LRRTM4: variants seen among roughly 807,000 people sequenced by gnomAD.
LRRTM4 encodes leucine-rich repeat transmembrane neuronal protein 4.
A neutral mutation model predicts 47.6 loss-of-function variants in LRRTM4; 25 were observed. That is an observed-to-expected ratio of 0.53 (90% CI 0.38 to 0.73). The LOEUF is 0.73. Among genes scored for constraint, LRRTM4 ranks in the 30% least tolerant of loss-of-function variants. The probability of loss-of-function intolerance (pLI) is 0.00; values close to 1 mark genes in which losing one functional copy is unlikely to be tolerated. For synonymous variants in LRRTM4, 311 were observed against 269.5 expected, an observed-to-expected ratio of 1.15 and a Z score of -1.51; for missense variants, 638 against 713.4, an observed-to-expected ratio of 0.89 and a Z score of 1.20.
intron 3 of LRRTM4, among the ~76,000 whole-genome samples, chr2:77,083,311 T>C (rs777190273): frequency 1.3e-5 from 2 of 152,170 alleles, no homozygotes; most frequent in Non-Finnish European, 2.9e-5. Context: ...AGCTCCATAG[T>C]AGGGGTCCTG....
At chr2:77,032,906 CCTATTA>C (rs1458755895) in intron 3 of LRRTM4, among the ~76,000 whole-genome samples, 1 of 151,988 alleles carries the variant, frequency 6.6e-6, no homozygotes, top group Non-Finnish European at 1.5e-5. Context: ...GTTCTAATTG[CCTATTA>C]CACCATACAA....
At chr2:77,302,691 C>T (rs1416697583) in intron 3 of LRRTM4, among the ~76,000 whole-genome samples, 1 of 152,194 alleles carries the variant, frequency 6.6e-6, no homozygotes, top group African/African-American at 2.4e-5. Context: ...GAAGAAGCTA[C>T]TTGATGTATC....
chr2:77,389,720 A>T (rs1050020188), intron 3 of LRRTM4, among the ~76,000 whole-genome samples: 1 of 152,066 alleles, frequency 6.6e-6, no homozygotes, highest in African/African-American at 2.4e-5. Flanking sequence ...ATGAGCTAAG[A>T]GATGCCTCCC....
rs183255377 is a variant in LRRTM4 at position 77,231,880 on chromosome 2, G to C, written c.1551+286438C>G. 7.0e-4 allele frequency among the ~76,000 whole-genome samples: 107 copies of C among 152,204 alleles called. 2 individuals carry two copies. Among genetic ancestry groups the C allele is most frequent in the African/African-American group, 2.3e-3 (94 of 41,546 alleles). On this transcript the variant is annotated intron_variant, in intron 3 of 3. Transcript: ENST00000409884. ...CAAGCTACTAATTTAGATCCACCCA[G>C]GATGAAAAACTGTTTTCTGATTTAT...
chr2:77,067,842 T>G (rs1282734488), intron 3 of LRRTM4, among the ~76,000 whole-genome samples: 1 of 151,788 alleles, frequency 6.6e-6, no homozygotes. Context: ...TAGTCAAAAT[T>G]AATGAAAAAA....
At chr2:77,084,553 G>A (rs943044798) in intron 3 of LRRTM4, among the ~76,000 whole-genome samples, 2 of 152,102 alleles carry the variant, frequency 1.3e-5, no homozygotes, top group African/African-American at 4.8e-5. Context: ...ACTAGTTTAT[G>A]CATGTTTTAA....
At chr2:76,795,520 C>T (rs1363287395) in intron 3 of LRRTM4, among the ~76,000 whole-genome samples, 1 of 151,892 alleles carries the variant, frequency 6.6e-6, no homozygotes, top group African/African-American at 2.4e-5. Flanking sequence ...AATATGAGAG[C>T]ACTACATATA....
chr2:77,482,199 AG>A (rs936584539), intron 3 of LRRTM4, among the ~76,000 whole-genome samples: 3 of 95,596 alleles, frequency 3.1e-5, no homozygotes, highest in Non-Finnish European at 8.0e-5. Flanking sequence ...ACTAATTTGA[AG>A]TTGCTGGTGC....
intron 3 of LRRTM4, among the ~76,000 whole-genome samples, chr2:77,143,702 A>C (rs1398792800): frequency 1.3e-5 from 2 of 152,218 alleles, no homozygotes; most frequent in East Asian, 3.9e-4. Context: ...CTAGATTGAG[A>C]GAAACACCAA....
intron 3 of LRRTM4, among the ~76,000 whole-genome samples, chr2:76,832,170 TTA>T (rs1473457104): frequency 2.0e-5 from 3 of 152,108 alleles, no homozygotes; most frequent in African/African-American, 7.2e-5. Context: ...GTATTTTATT[TTA>T]TCTTATTTGC....
In LRRTM4 at chr2:77,095,508, C is replaced by CTTT. The variant is rs373406392; in HGVS notation, c.1552-346595_1552-346593dup. 1.0e-4 allele frequency among the ~76,000 whole-genome samples: 15 copies of CTTT among 144,002 alleles called. 1 individual carries two copies. The highest frequency in any genetic ancestry group is 1.1e-4 in the Non-Finnish European group (7 of 64,832). 94.5% of individuals were successfully genotyped at this position (144,002 alleles called of 152,430 possible). A position where few individuals can be genotyped will look rare whatever the true frequency, so the allele number is the denominator to read the frequency against. ...CAAAATATGAAATACCATATGCAAACTTTTTTTTTTTTTTTTAGACAGAGT... is the reference window on the plus strand; with the variant it reads ...CAAAATATGAAATACCATATGCAAACTTTTTTTTTTTTTTTTTTTAGACAGAGT... On this transcript the variant is annotated intron_variant, in intron 3 of 3. Transcript: ENST00000409884.
intron 3 of LRRTM4, among the ~76,000 whole-genome samples, chr2:77,023,467 G>A (rs951250725): frequency 5.3e-5 from 8 of 152,284 alleles, no homozygotes; most frequent in Middle Eastern, 3.4e-3. Flanking sequence ...CACATTGTCA[G>A]GCTGCAAATT....
chr2:77,437,833 T>C (rs977474514), intron 3 of LRRTM4, among the ~76,000 whole-genome samples: 1 of 152,134 alleles, frequency 6.6e-6, no homozygotes, highest in African/African-American at 2.4e-5. Flanking sequence ...GTGTTTATAA[T>C]ACACAATTTT....
At chr2:76,758,534 A>C (rs1392006832) in intron 3 of LRRTM4, among the ~76,000 whole-genome samples, 1 of 152,158 alleles carries the variant, frequency 6.6e-6, no homozygotes, top group Non-Finnish European at 1.5e-5. Flanking sequence ...ATTTTTAATT[A>C]CAAAAAGGGG....
rs775583949 is a variant in LRRTM4, at chr2:77,495,415, G to A, written c.1551+22903C>T. On this transcript the variant is annotated intron_variant, in intron 3 of 3. Transcript: ENST00000409884. ...GTTTTAACTTTAAGTCCAGTTTATC[G>A]CTTTGTTGTTTTATGCCGCAAACTT... Among the ~76,000 whole-genome samples, 11 of 151,980 alleles carry A rather than the reference G, an allele frequency of 7.2e-5. No homozygotes were observed. The East Asian group carries it at 7.7e-4, about 11-fold the overall frequency.
intron 3 of LRRTM4, among the ~76,000 whole-genome samples, chr2:77,004,148 A>G (rs1677542462): frequency 6.6e-6 from 1 of 152,166 alleles, no homozygotes; most frequent in African/African-American, 2.4e-5. Flanking sequence ...AGAAAACCCC[A>G]TTTTCTGGGG....
intron 3 of LRRTM4, among the ~76,000 whole-genome samples, chr2:76,936,521 C>T (rs1342988989): frequency 2.0e-5 from 3 of 149,198 alleles, no homozygotes; most frequent in Admixed American, 1.3e-4. Flanking sequence ...TCCACCATGG[C>T]ACGTGTATGC....
intron 3 of LRRTM4, among the ~76,000 whole-genome samples, chr2:76,988,248 C>T (rs1024104373): frequency 3.3e-5 from 5 of 151,702 alleles, no homozygotes; most frequent in East Asian, 3.9e-4. Context: ...AGGCTCAACT[C>T]GATAATTTCA....
At chr2:77,488,468 C>A (rs536595066) in intron 3 of LRRTM4, among the ~76,000 whole-genome samples, 2 of 152,154 alleles carry the variant, frequency 1.3e-5, no homozygotes, top group South Asian at 4.1e-4. Context: ...CCTGCCAGGA[C>A]GAATGGGTGG....
Sources: gnomAD v4.1 joint callset for allele counts (sites outside exome capture counted in the v4.1 genomes callset) on GRCh38, gnomAD v4.1.1 for gene constraint, MANE v1.5 for transcripts, NCBI Gene and HGNC (gene_info 2026-07-23, HGNC 2026-07-21) for gene names.